NFKBIZ: variants seen among roughly 807,000 people sequenced by gnomAD.
NFKBIZ encodes the protein NF-kappa-B inhibitor zeta.
NFKBIZ carries 19 observed loss-of-function variants against 76.8 expected under a neutral mutation model. That is an observed-to-expected ratio of 0.25 (90% CI 0.17 to 0.36). NFKBIZ has a LOEUF of 0.36. Among genes scored for constraint, NFKBIZ ranks in the 10% least tolerant of loss-of-function variants. NFKBIZ has a pLI of 1.00. For missense variants in NFKBIZ, 829 were observed against 910.9 expected (o/e 0.91, Z 1.16); for synonymous variants, 368 against 354.8 (o/e 1.04, Z -0.42).
In NFKBIZ at chr3:101,853,412, G is replaced by A. The variant is rs1943000291; in HGVS notation, c.886G>A (p.Val296Ile). ...LYQYSPQNQH[V>I]EQQPHYTHKP... Reference sequence around the variant, plus strand: ...CCAGTATTCTCCACAGAACCAGCATGTAGAGCAGCAGCCACACTACACCCA... The same window carrying A: ...CCAGTATTCTCCACAGAACCAGCATATAGAGCAGCAGCCACACTACACCCA... Residue 296 changes from valine (V) to isoleucine (I), a missense_variant, in exon 5 of 12, where the codon GTA becomes ATA. This residue lies in a region of NFKBIZ where 371 missense variants were observed against 332.3 expected (regional missense o/e 1.12). Transcript: ENST00000326172. The A allele has an allele frequency of 6.2e-7, 1 of 1,614,148 alleles. No individual in the cohort carries two copies.
chr3:101,838,928 A>G (rs1942756045), intron 2 of NFKBIZ, among the ~76,000 whole-genome samples: 1 of 152,222 alleles, frequency 6.6e-6, no homozygotes, highest in Non-Finnish European at 1.5e-5. Context: ...GCTGTTACAT[A>G]CATTAGAGAT....
At position 101,841,139 on chromosome 3, in the gene NFKBIZ, A is replaced by G. The variant is rs184052431; in HGVS notation, c.-11-10946A>G. On this transcript the variant is annotated intron_variant, in intron 2 of 12. Transcript: ENST00000394054. ...GTTGGAGAAATTTCCTCAATATGGT[A>G]TACTGTGCTTTGATATCAGGTGCTA... Among the ~76,000 whole-genome samples, 475 of 152,336 alleles carry G rather than the reference A, an allele frequency of 3.1e-3. 4 individuals carry two copies. Among genetic ancestry groups the G allele is most frequent in the Non-Finnish European group, 2.7e-3 (181 of 68,020 alleles).
chr3:101,859,679 C>A lies in NFKBIZ; in HGVS notation c.*308C>A. On this transcript the variant is annotated 3_prime_UTR_variant, in exon 12 of 12. Coordinates refer to ENST00000326172, the MANE Select transcript of NFKBIZ (RefSeq NM_031419.4). ...TAGGAAAGGACTTTGATTTGTGGCA[C>A]AAAACATTATTAATATAGCTATTGA... 9.3e-6 allele frequency: 2 copies of A among 215,594 alleles called. No individual in the cohort carries two copies. Among genetic ancestry groups the A allele is most frequent in the Non-Finnish European group, 9.5e-6 (1 of 105,798 alleles). The allele number at this position is 215,594 out of a possible 1,614,324, so 13.4% of individuals were successfully genotyped here.
intron 1 of NFKBIZ, chr3:101,850,268 A>T: frequency 4.5e-6 from 1 of 223,482 alleles, no homozygotes; most frequent in Non-Finnish European, 8.7e-6. Flanking sequence ...GGTCTGATGT[A>T]GGTGTAATTT....
At chr3:101,828,151 C>G (rs1942582269) in exon 1 of NFKBIZ, 1 of 152,124 alleles carries the variant, frequency 6.6e-6, no homozygotes, top group African/African-American at 2.4e-5. Flanking sequence ...TTTGCTCTTA[C>G]GTATTTGTGT....
At chr3:101,847,130 C>T (rs1942863030), upstream of NFKBIZ, among the ~76,000 whole-genome samples, 1 of 152,266 alleles carries the variant, frequency 6.6e-6, no homozygotes, top group Non-Finnish European at 1.5e-5. Context: ...ACTCTGTCTA[C>T]TGATTCAAAT....
At chr3:101,832,811 CT>C (rs972604735) in intron 2 of NFKBIZ, among the ~76,000 whole-genome samples, 32 of 152,256 alleles carry the variant, frequency 2.1e-4, no homozygotes, top group African/African-American at 7.7e-4. Context: ...TCCTTGCTTT[CT>C]TTACTTTTGG....
intron 1 of NFKBIZ, chr3:101,828,216 ATATCT>A (rs1176354455): frequency 6.6e-6 from 1 of 152,182 alleles, no homozygotes; most frequent in Non-Finnish European, 1.5e-5. Flanking sequence ...TTTTATTAAA[ATATCT>A]TAAATGGTAA....
At chr3:101,838,379 A>T (rs1481308015) in intron 2 of NFKBIZ, among the ~76,000 whole-genome samples, 1 of 152,174 alleles carries the variant, frequency 6.6e-6, no homozygotes, top group Non-Finnish European at 1.5e-5. Flanking sequence ...AATGCTACAG[A>T]TAGGTATGCA....
chr3:101,845,202 A>T (rs572144842), upstream of NFKBIZ, among the ~76,000 whole-genome samples: 102 of 150,596 alleles, frequency 6.8e-4, no homozygotes, highest in Non-Finnish European at 1.1e-3. Flanking sequence ...CGGGAGGCGG[A>T]GCTTGTGGTG....
At chr3:101,853,054 GAAGT>G in intron 4 of NFKBIZ, 33 bp from the exon 5 acceptor site, 1 of 1,612,366 alleles carries the variant, frequency 6.2e-7, no homozygotes, top group Admixed American at 1.7e-5. Flanking sequence ...ATTTTAGAAG[GAAGT>G]GAGTGTGCAA....
intron 9 of NFKBIZ, 150 bp downstream of exon 9, chr3:101,856,052 G>A: frequency 1.6e-6 from 1 of 628,378 alleles, no homozygotes. Flanking sequence ...AAGAAGCCCA[G>A]AATTTTTTTT....
intron 2 of NFKBIZ, among the ~76,000 whole-genome samples, chr3:101,841,085 AATTC>A (rs1393097112): frequency 2.0e-5 from 3 of 152,198 alleles, no homozygotes; most frequent in Non-Finnish European, 4.4e-5. Flanking sequence ...ACCTTTTGCT[AATTC>A]ATCTGTATGA....
chr3:101,843,323 G>A (rs959449713), intron 2 of NFKBIZ, among the ~76,000 whole-genome samples: 11 of 151,916 alleles, frequency 7.2e-5, no homozygotes, highest in Non-Finnish European at 1.0e-4. Flanking sequence ...CATGCCTGTA[G>A]TCCTAGCTAC....
chr3:101,856,962 G>C, intron 9 of NFKBIZ, 111 bp from the exon 10 acceptor site: 1 of 738,646 alleles, frequency 1.4e-6, no homozygotes, highest in Non-Finnish European at 2.3e-6. Context: ...AGCATTCAAA[G>C]TGAGTCTCTG....
chr3:101,852,277 G>T, intron 2 of NFKBIZ, 53 bp downstream of exon 2: 2 of 1,588,390 alleles, frequency 1.3e-6, no homozygotes, highest in Non-Finnish European at 1.7e-6. Flanking sequence ...GGGTTAGTCT[G>T]TCAGGGTTAT....
chr3:101,830,181 T>G (rs894029149), intron 2 of NFKBIZ, among the ~76,000 whole-genome samples: 4 of 152,222 alleles, frequency 2.6e-5, no homozygotes, highest in Non-Finnish European at 5.9e-5. Flanking sequence ...CCGTAGGGAA[T>G]GAAAATATTT....
chr3:101,849,519 G>C lies in NFKBIZ; in HGVS notation c.-110G>C. The C allele has an allele frequency of 1.0e-6, 1 of 987,786 alleles. No homozygotes were observed. Among genetic ancestry groups the C allele is most frequent in the South Asian group, 3.3e-5 (1 of 30,706 alleles). The allele number at this position is 987,786 out of a possible 1,614,324, so 61.2% of individuals were successfully genotyped here. ...GGCAGTCCCGCGCCGCGCCCGTACT[G>C]GCCCGCGCCGTCCGCCCGCCGACAG... On this transcript the variant is annotated 5_prime_UTR_variant, in exon 1 of 12. Coordinates refer to ENST00000326172, the MANE Select transcript of NFKBIZ (RefSeq NM_031419.4).
At chr3:101,835,215 G>C (rs1327951981) in intron 2 of NFKBIZ, among the ~76,000 whole-genome samples, 1 of 152,208 alleles carries the variant, frequency 6.6e-6, no homozygotes, top group Non-Finnish European at 1.5e-5. Flanking sequence ...GTTATTAAGT[G>C]AATGGAGCTT....
Sources: allele counts gnomAD v4.1 joint callset (sites outside exome capture counted in the v4.1 genomes callset), GRCh38; gene constraint gnomAD v4.1.1; regional missense constraint gnomAD v4.1.1; transcripts MANE v1.5; gene names NCBI Gene and HGNC (gene_info 2026-07-23, HGNC 2026-07-21).